PKNOX2: variants seen among roughly 807,000 people sequenced by gnomAD.
PKNOX2 encodes homeobox protein PKNOX2.
PKNOX2 carries 14 observed loss-of-function variants against 53.1 expected under a neutral mutation model. The ratio of observed to expected loss-of-function variants is 0.26; its 90% CI spans 0.17 to 0.41. The LOEUF (loss-of-function observed/expected upper bound fraction) is 0.41, where lower values mean the gene tolerates loss of function less well. Ranked by LOEUF, PKNOX2 falls within the 10% of genes least tolerant of loss-of-function variation. PKNOX2 has a pLI of 1.00. For synonymous variants in PKNOX2, 257 were observed against 242.8 expected, an observed-to-expected ratio of 1.06 and a Z score of -0.54; for missense variants, 496 against 602.8, an observed-to-expected ratio of 0.82 and a Z score of 1.85.
At chr11:125,417,802 TC>T (rs1324845898) in intron 10 of PKNOX2, among the ~76,000 whole-genome samples, 1 of 151,824 alleles carries the variant, frequency 6.6e-6, no homozygotes, top group Non-Finnish European at 1.5e-5. Context: ...CTTTGATGTC[TC>T]CCCCACCCCA....
chr11:125,186,093 T>C (rs983715849), intron 1 of PKNOX2, among the ~76,000 whole-genome samples: 5 of 137,028 alleles, frequency 3.6e-5, no homozygotes, highest in Non-Finnish European at 7.8e-5. Flanking sequence ...ATTGTGAAGA[T>C]AGAATGTGAA....
chr11:125,433,021 G>C lies in PKNOX2; in HGVS notation c.*1629G>C. 6.6e-6 allele frequency: 1 copy of C among 152,606 alleles called. No homozygotes were observed. Among genetic ancestry groups the C allele is most frequent in the Non-Finnish European group, 1.5e-5 (1 of 68,030 alleles). 9.5% of individuals were successfully genotyped at this position (152,606 alleles called of 1,614,324 possible). On this transcript the variant is annotated 3_prime_UTR_variant, in exon 13 of 13. Transcript: ENST00000298282. ...ATTTAATGTTTTAATAAGGATTTTTGAGAAACAAATAACCTTATTTATAAT... is the reference window on the plus strand; with the variant it reads ...ATTTAATGTTTTAATAAGGATTTTTCAGAAACAAATAACCTTATTTATAAT...
At chr11:125,293,692 C>T (rs1345042169) in intron 2 of PKNOX2, among the ~76,000 whole-genome samples, 2 of 152,028 alleles carry the variant, frequency 1.3e-5, no homozygotes, top group African/African-American at 4.8e-5. Context: ...GATGATCAGC[C>T]TCATGTGAAG....
chr11:125,378,757 A>G (rs1490114478), intron 5 of PKNOX2, among the ~76,000 whole-genome samples: 1 of 152,092 alleles, frequency 6.6e-6, no homozygotes, highest in Non-Finnish European at 1.5e-5. Flanking sequence ...AAAGTTTATC[A>G]CCCAGAAAGA....
chr11:125,263,273 AC>A (rs1313576225), intron 2 of PKNOX2, among the ~76,000 whole-genome samples: 3 of 151,206 alleles, frequency 2.0e-5, no homozygotes, highest in Non-Finnish European at 4.4e-5. Context: ...CCCCCACCCC[AC>A]CCCCATCCTG....
chr11:125,337,776 G>A (rs1950501815), intron 3 of PKNOX2, among the ~76,000 whole-genome samples: 1 of 152,110 alleles, frequency 6.6e-6, no homozygotes, highest in Non-Finnish European at 1.5e-5. Context: ...CACAGTGCCT[G>A]ACACAGAATA....
rs1312843941 is a variant in PKNOX2, at chr11:125,367,876, G to A, written c.118G>A (p.Ala40Thr). Residue 40 changes from alanine (A) to threonine (T), a missense_variant, in exon 5 of 13, where the codon GCC becomes ACC. Ala to Thr is a moderately conservative substitution (Grantham distance 58). Coordinates refer to ENST00000298282, the MANE Select transcript of PKNOX2 (RefSeq NM_001382323.2). ...GGCAACCGCCCAGCCACCCTCCAAG[G>A]CCCAGGCTGTCCACATCTCTGCCCC... ...MTATAQPPSK[A>T]QAVHISAPSA... 1 of 1,613,252 alleles carries A rather than the reference G, an allele frequency of 6.2e-7. No individual in the cohort carries two copies.
At chr11:125,303,425 C>G (rs1175683275) in intron 2 of PKNOX2, among the ~76,000 whole-genome samples, 5 of 152,086 alleles carry the variant, frequency 3.3e-5, no homozygotes, top group Non-Finnish European at 4.4e-5. Flanking sequence ...CCCCAGCCCC[C>G]CTGCCACATT....
chr11:125,412,639 G>A (rs1321227039), intron 10 of PKNOX2, among the ~76,000 whole-genome samples: 1 of 152,092 alleles, frequency 6.6e-6, no homozygotes, highest in African/African-American at 2.4e-5. Flanking sequence ...TGTATGCGCT[G>A]GTGTGTGTGT....
chr11:125,367,755 C>T, intron 4 of PKNOX2, 91 bp from the exon 5 acceptor site: 20 of 1,399,792 alleles, frequency 1.4e-5, no homozygotes, highest in East Asian at 2.5e-5. Flanking sequence ...CCTCCGGGCA[C>T]AGCACAGGCC....
intron 5 of PKNOX2, among the ~76,000 whole-genome samples, chr11:125,371,897 G>A (rs1041929660): frequency 3.9e-5 from 6 of 152,108 alleles, no homozygotes; most frequent in Admixed American, 2.0e-4. Context: ...GGTGGCTTCC[G>A]GACTCTGCCT....
At chr11:125,249,821 G>A (rs952063383) in intron 2 of PKNOX2, among the ~76,000 whole-genome samples, 1 of 152,138 alleles carries the variant, frequency 6.6e-6, no homozygotes. Flanking sequence ...TGTAATCCCA[G>A]CACTTTGGGA....
At chr11:125,219,993 C>A (rs920799903) in intron 1 of PKNOX2, among the ~76,000 whole-genome samples, 1 of 152,088 alleles carries the variant, frequency 6.6e-6, no homozygotes, top group Non-Finnish European at 1.5e-5. Flanking sequence ...TTGGAAAGAA[C>A]CCAAATATCC....
intron 2 of PKNOX2, among the ~76,000 whole-genome samples, chr11:125,276,331 T>C (rs1363908961): frequency 6.6e-6 from 1 of 151,698 alleles, no homozygotes; most frequent in Admixed American, 6.6e-5. Context: ...CCTAAAGAGG[T>C]GGAAAATGGA....
chr11:125,180,958 A>C (rs925755608), intron 1 of PKNOX2, among the ~76,000 whole-genome samples: 1 of 152,260 alleles, frequency 6.6e-6, no homozygotes, highest in African/African-American at 2.4e-5. Context: ...TGCAAGAAGT[A>C]TCAGATTCTA....
chr11:125,381,133 A>T (rs1412214465), intron 5 of PKNOX2, among the ~76,000 whole-genome samples: 1 of 152,188 alleles, frequency 6.6e-6, no homozygotes, highest in Non-Finnish European at 1.5e-5. Context: ...TGGGTTTATC[A>T]AGTGGGCCAG....
chr11:125,220,351 C>T (rs1455022494), intron 1 of PKNOX2, among the ~76,000 whole-genome samples: 2 of 152,156 alleles, frequency 1.3e-5, no homozygotes, highest in Non-Finnish European at 2.9e-5. Flanking sequence ...TCTGCGGCTG[C>T]GTTCTGCCGA....
chr11:125,173,973 G>A lies in PKNOX2; in HGVS notation c.-201+9197G>A, dbSNP rs571365230. ...TGGGTCTGTGCTGGAGTAGTGGCAA[G>A]TGAGCCCTACCCCAGAGCTTCCCCT... On this transcript the variant is annotated intron_variant, in intron 1 of 12. Transcript: ENST00000298282. Among the ~76,000 whole-genome samples, 8 of 152,328 alleles carry A rather than the reference G, an allele frequency of 5.3e-5. No individual in the cohort carries two copies. The South Asian group carries it at 1.2e-3, about 24-fold the overall frequency.
At chr11:125,348,334 C>T (rs1039418452) in intron 3 of PKNOX2, among the ~76,000 whole-genome samples, 2 of 152,146 alleles carry the variant, frequency 1.3e-5, no homozygotes, top group African/African-American at 2.4e-5. Context: ...GTCAAGTTGC[C>T]GGAGGCTTCT....
Sources: gnomAD v4.1 joint callset for allele counts (sites outside exome capture counted in the v4.1 genomes callset) on GRCh38, gnomAD v4.1.1 for gene constraint, MANE v1.5 for transcripts, NCBI Gene and HGNC (gene_info 2026-07-23, HGNC 2026-07-21) for gene names.